DIS3L2: variants seen among roughly 807,000 people sequenced by gnomAD.
DIS3L2 encodes the protein DIS3 like 3'-5' exoribonuclease 2.
Under a neutral mutation model 97.5 loss-of-function variants are expected in DIS3L2, and 34 were observed. The ratio of observed to expected loss-of-function variants is 0.35; its 90% confidence interval spans 0.27 to 0.46. The LOEUF (loss-of-function observed/expected upper bound fraction) is 0.46. DIS3L2 is among the 20% of genes least tolerant of loss of function. The pLI, the probability that DIS3L2 is intolerant of heterozygous loss-of-function variation, is 1.00. For synonymous variants in DIS3L2, 435 were observed against 445.2 expected (o/e 0.98, Z 0.29); for missense variants, 1,038 against 1,146.0 (o/e 0.91, Z 1.36).
intron 7 of DIS3L2, among the ~76,000 whole-genome samples, chr2:232,134,314 T>C (rs1490477281): frequency 6.6e-6 from 1 of 152,108 alleles, no homozygotes; most frequent in African/African-American, 2.4e-5. Flanking sequence ...CTTCAGAGAA[T>C]TTAAGGTTCT....
At chr2:232,161,531 T>C (rs936191703) in intron 8 of DIS3L2, among the ~76,000 whole-genome samples, 3 of 152,200 alleles carry the variant, frequency 2.0e-5, no homozygotes, top group African/African-American at 7.2e-5. Flanking sequence ...AGTGCAGTAA[T>C]GCCATCTTGG....
chr2:232,046,104 G>A lies in DIS3L2; in HGVS notation c.366+16024G>A, dbSNP rs1325450349. ...TGGACACTGTCACAACACTTGGTGC[G>A]TGGTCATTTCTTTTCCTTGAAATTA... On this transcript the variant is annotated intron_variant, in intron 5 of 20. Transcript: ENST00000325385. 2.6e-5 allele frequency among the ~76,000 whole-genome samples: 4 copies of A among 152,138 alleles called. No homozygotes were observed. In the East Asian group the frequency reaches 5.8e-4, roughly 22 times the overall value.
chr2:232,299,529 C>CA (rs1694804385), intron 13 of DIS3L2, among the ~76,000 whole-genome samples: 1 of 152,226 alleles, frequency 6.6e-6, no homozygotes, highest in South Asian at 2.1e-4. Flanking sequence ...GAACCCTCTC[C>CA]ACTCCCCATC....
intron 9 of DIS3L2, among the ~76,000 whole-genome samples, chr2:232,181,624 A>AT (rs1344149471): frequency 6.0e-5 from 9 of 151,126 alleles, no homozygotes; most frequent in African/African-American, 1.7e-4. Flanking sequence ...ATGCCCGGCT[A>AT]TTTTTTTTAA....
Position 232,015,543 on chromosome 2 carries a change from A to C in DIS3L2, c.82A>C (p.Ile28Leu), listed in dbSNP as rs749771898. 6.2e-7 allele frequency: 1 copy of C among 1,614,012 alleles called. No homozygotes were observed. The highest frequency in any genetic ancestry group is 1.1e-5 in the South Asian group (1 of 91,074). The part of the protein sequence containing the change: ...GVSAVAGPHD[I>L]GASPGDKKSK... The stretch of plus-strand genomic sequence containing the variant: ...GTCTGCTGTGGCTGGTCCACATGAC[A>C]TTGGTGCTTCGCCAGGTGACAAAAA... The change falls in exon 3 of 21, where the codon ATT (isoleucine) becomes CTT (leucine). Residue 28 changes from isoleucine (I) to leucine (L), a missense_variant. Ile to Leu is a conservative substitution (Grantham distance 5). Coordinates refer to ENST00000325385, the MANE Select transcript of DIS3L2 (RefSeq NM_152383.5).
At chr2:232,337,195 C>T (rs1028743244), downstream of DIS3L2, 13 of 992,586 alleles carry the variant, frequency 1.3e-5, no homozygotes, top group Non-Finnish European at 1.6e-5. Flanking sequence ...GTATGCAACA[C>T]TGAGAGCGCC....
chr2:232,021,607 G>A (rs558499155), intron 3 of DIS3L2, among the ~76,000 whole-genome samples: 1 of 152,110 alleles, frequency 6.6e-6, no homozygotes, highest in South Asian at 2.1e-4. Flanking sequence ...AATATATATA[G>A]TAGTGAGGAT....
At chr2:232,055,497 TA>T in intron 5 of DIS3L2, among the ~76,000 whole-genome samples, 1 of 152,232 alleles carries the variant, frequency 6.6e-6, no homozygotes, top group Admixed American at 6.5e-5. Flanking sequence ...ATGCTCTAAC[TA>T]AATGGTCATG....
rs1283150896 is a variant in DIS3L2 at position 232,015,457 on chromosome 2, G to A, written c.53-57G>A. ...ATTGTAAAAAGGTATAATATCTCCA[G>A]TTTTAAAAATACACAGATGTTTGAG... On this transcript the variant is annotated intron_variant, in intron 2 of 20. Transcript: ENST00000325385. 22 of 1,580,340 alleles carry A rather than the reference G, an allele frequency of 1.4e-5. No homozygotes were observed. In the East Asian group the frequency reaches 2.7e-4, roughly 19 times the overall value.
rs199556382 is a variant in DIS3L2, at chr2:232,275,961, CT to C, written c.1659+12522del. On this transcript the variant is annotated intron_variant, in intron 13 of 20. Transcript: ENST00000325385. ...TCAAAGTCAGTTAGAAATGTGGGAACTGTTTAAAAGTTTTCTCCTAGCAACT... is the reference window on the plus strand; with the variant it reads ...TCAAAGTCAGTTAGAAATGTGGGAACGTTTAAAAGTTTTCTCCTAGCAACT... Among the ~76,000 whole-genome samples the C allele has an allele frequency of 8.4e-3, 1,285 of 152,322 alleles. 23 individuals are homozygous for C. The highest frequency in any genetic ancestry group is 0.048 in the Admixed American group (739 of 15,302).
intron 6 of DIS3L2, among the ~76,000 whole-genome samples, chr2:232,102,047 C>T (rs944795354): frequency 6.6e-6 from 1 of 152,208 alleles, no homozygotes. Flanking sequence ...ACTGATCAAG[C>T]TTAGCATCAT....
At position 232,333,236 on chromosome 2, in the gene DIS3L2, T is replaced by A. The variant is rs1257996214; in HGVS notation, c.2011-604T>A. 1.2e-3 allele frequency among the ~76,000 whole-genome samples: 62 copies of A among 50,906 alleles called. 2 individuals carry two copies. The Middle Eastern group carries it at 0.047, about 38-fold the overall frequency. The allele number at this position is 50,906 out of a possible 152,430, so 33.4% of individuals were successfully genotyped here. ...CTCCTCCTCCGCTGTCGCCTCCTCC[T>A]CCTCCTCCTCCTCCTCCTCCGCTGT... On this transcript the variant is annotated intron_variant, in intron 16 of 20. Transcript: ENST00000325385.
chr2:232,172,884 A>G, intron 9 of DIS3L2: 1 of 438,514 alleles, frequency 2.3e-6, no homozygotes, highest in South Asian at 1.7e-5. Flanking sequence ...GACTGAATGT[A>G]TTTTGATGTG....
intron 10 of DIS3L2, among the ~76,000 whole-genome samples, chr2:232,219,344 ATTGT>A (rs751372736): frequency 6.6e-6 from 1 of 152,098 alleles, no homozygotes; most frequent in African/African-American, 2.4e-5. Flanking sequence ...GCATTTTAAA[ATTGT>A]TTGGTCTAGT....
At chr2:232,072,385 A>G (rs535541272) in intron 5 of DIS3L2, among the ~76,000 whole-genome samples, 2 of 152,294 alleles carry the variant, frequency 1.3e-5, no homozygotes, top group East Asian at 3.9e-4. Flanking sequence ...GAAGAGAGGA[A>G]GCTGTCCTTA....
At chr2:232,007,224 G>C (rs1000798894) in intron 1 of DIS3L2, among the ~76,000 whole-genome samples, 2 of 152,178 alleles carry the variant, frequency 1.3e-5, no homozygotes, top group Non-Finnish European at 2.9e-5. Context: ...AAGAGGGTTA[G>C]GTTATAAATA....
intron 10 of DIS3L2, among the ~76,000 whole-genome samples, chr2:232,229,137 G>C (rs932833438): frequency 6.6e-6 from 1 of 151,684 alleles, no homozygotes; most frequent in Non-Finnish European, 1.5e-5. Context: ...AACTGGATTT[G>C]TCCTTTTCAA....
intron 10 of DIS3L2, among the ~76,000 whole-genome samples, chr2:232,225,387 T>C (rs60045044): frequency 0.022 from 3,343 of 152,240 alleles, 113 homozygotes; most frequent in African/African-American, 0.075. Flanking sequence ...GAATATTATA[T>C]AGCAACAGAG....
intron 11 of DIS3L2, among the ~76,000 whole-genome samples, chr2:232,241,914 G>C (rs1352674741): frequency 1.3e-5 from 2 of 152,230 alleles, no homozygotes; most frequent in Non-Finnish European, 2.9e-5. Context: ...TATTTTAGGT[G>C]CGAAACAGCT....
Sources: allele counts gnomAD v4.1 joint callset (sites outside exome capture counted in the v4.1 genomes callset), GRCh38; gene constraint gnomAD v4.1.1; transcripts MANE v1.5; gene names NCBI Gene and HGNC (gene_info 2026-07-23, HGNC 2026-07-21).